The following CCDC38 variants were observed in gnomAD, a reference collection of about 807,000 sequenced individuals.
CCDC38 encodes the protein coiled-coil domain containing 38.
Under a neutral mutation model 72.8 loss-of-function variants are expected in CCDC38, and 69 were observed. The ratio of observed to expected loss-of-function variants is 0.95; its 90% CI spans 0.78 to 1.16. The LOEUF (loss-of-function observed/expected upper bound fraction) is 1.16. CCDC38 is among the 50% of genes most tolerant of loss of function. CCDC38 has a pLI of 0.00. For missense variants in CCDC38, 626 were observed against 638.9 expected (o/e 0.98, Z 0.22); for synonymous variants, 201 against 213.2 (o/e 0.94, Z 0.50).
intron 1 of CCDC38, 25 bp from the exon 2 acceptor site, chr12:95,936,548 T>C: frequency 6.2e-7 from 1 of 1,600,172 alleles, no homozygotes; most frequent in South Asian, 1.1e-5. Flanking sequence ...AAAAATACGT[T>C]TTTTAAAAAT....
At chr12:95,908,860 T>C (rs879751198) in intron 4 of CCDC38, among the ~76,000 whole-genome samples, 1 of 151,976 alleles carries the variant, frequency 6.6e-6, no homozygotes, top group Non-Finnish European at 1.5e-5. Flanking sequence ...TGATGACAAC[T>C]AGTTTTACCA....
At chr12:95,878,423 C>A in intron 12 of CCDC38, 77 bp from the exon 13 acceptor site, 1 of 1,397,950 alleles carries the variant, frequency 7.2e-7, no homozygotes, top group Non-Finnish European at 9.8e-7. Flanking sequence ...AGCTTTAACA[C>A]TCTAGATCAT....
chr12:95,890,757 T>C (rs1021335441), intron 9 of CCDC38, 75 bp downstream of exon 9: 15 of 863,974 alleles, frequency 1.7e-5, no homozygotes, highest in Non-Finnish European at 2.8e-5. Context: ...CAGGTTGGCT[T>C]GTAGTCCTCT....
At chr12:95,927,045 A>G (rs1158484840) in intron 2 of CCDC38, among the ~76,000 whole-genome samples, 1 of 152,076 alleles carries the variant, frequency 6.6e-6, no homozygotes, top group African/African-American at 2.4e-5. Context: ...AGTTCTGTAG[A>G]TGTCTATTAG....
At chr12:95,909,073 CA>C (rs970982249) in intron 4 of CCDC38, among the ~76,000 whole-genome samples, 16 of 151,260 alleles carry the variant, frequency 1.1e-4, no homozygotes, top group Admixed American at 2.6e-4. Context: ...GAAATTGAGA[CA>C]AAAAAATAAA....
intron 8 of CCDC38, among the ~76,000 whole-genome samples, chr12:95,893,452 T>TCTCTC (rs2079852567): frequency 1.0e-5 from 1 of 98,164 alleles, no homozygotes; most frequent in South Asian, 4.0e-4. Flanking sequence ...CCTTCCTTCC[T>TCTCTC]TCTTTCCCTC....
chr12:95,895,777 GC>G (rs2079881157), intron 7 of CCDC38, among the ~76,000 whole-genome samples: 3 of 70,888 alleles, frequency 4.2e-5, no homozygotes, highest in African/African-American at 2.1e-4. Flanking sequence ...AAAAAAAAAA[GC>G]CGGGCATGGT....
intron 7 of CCDC38, among the ~76,000 whole-genome samples, chr12:95,897,525 G>T (rs555866747): frequency 6.7e-6 from 1 of 148,456 alleles, no homozygotes; most frequent in Non-Finnish European, 1.5e-5. Context: ...CAGGAGAATC[G>T]CTTGAACCTA....
intron 8 of CCDC38, 53 bp from the exon 9 acceptor site, chr12:95,890,983 A>T: frequency 1.0e-6 from 1 of 985,012 alleles, no homozygotes; most frequent in Non-Finnish European, 1.6e-6. Flanking sequence ...GGGGAAAAAA[A>T]CACTGCTGAG....
At chr12:95,914,152 C>T (rs12298496) in intron 4 of CCDC38, among the ~76,000 whole-genome samples, 7,466 of 152,196 alleles carry the variant, frequency 0.049, 585 homozygotes, top group African/African-American at 0.17. Context: ...GGCAAAACCT[C>T]GTCTCTACTA....
In CCDC38 at chr12:95,928,464, C is replaced by T. The variant is rs11108344; in HGVS notation, c.37+8009G>A. Among the ~76,000 whole-genome samples the T allele has an allele frequency of 1.3e-3, 205 of 152,320 alleles. 1 individual carries two copies. Among genetic ancestry groups the T allele is most frequent in the African/African-American group, 4.8e-3 (201 of 41,560 alleles). ...TCTAAACTTTTTTCAAAGTTTTCAACTTCTTTGCCTTTGGTTTGAATTTCC... is the reference window on the plus strand; with the variant it reads ...TCTAAACTTTTTTCAAAGTTTTCAATTTCTTTGCCTTTGGTTTGAATTTCC... On this transcript the variant is annotated intron_variant, in intron 2 of 15. Coordinates refer to ENST00000344280, the MANE Select transcript of CCDC38 (RefSeq NM_182496.3).
intron 13 of CCDC38, 146 bp from the exon 14 acceptor site, chr12:95,872,606 ACT>A (rs1407019525): frequency 1.6e-6 from 1 of 624,726 alleles, no homozygotes; most frequent in Admixed American, 3.1e-5. Flanking sequence ...ACGGAGTCTC[ACT>A]CTGTCACCCA....
In CCDC38 at chr12:95,879,642, A is replaced by G. The variant is rs1274164678; in HGVS notation, c.1142+2T>C. On this transcript the variant is annotated splice_donor_variant, in intron 12 of 15. Transcript: ENST00000344280. LOFTEE classifies it high-confidence loss of function. The surrounding 1 kb of genome is among the most constrained non-coding windows in gnomAD (Gnocchi z 5.5). ...TAAATCTACTTGTTTATAATGACTT[A>G]CGTTTTATCCTGTATAACTTTTTCT... is the stretch of plus-strand genomic sequence containing the variant. 1 of 1,571,856 alleles carries G rather than the reference A, an allele frequency of 6.4e-7. No individual in the cohort carries two copies. The highest frequency in any genetic ancestry group is 1.4e-5 in the African/African-American group (1 of 73,464).
intron 5 of CCDC38, among the ~76,000 whole-genome samples, chr12:95,903,237 A>G (rs1453144879): frequency 6.6e-6 from 1 of 152,132 alleles, no homozygotes; most frequent in Non-Finnish European, 1.5e-5. Flanking sequence ...ATTTCTGTAA[A>G]TTGACCTTGC....
At chr12:95,875,536 A>G (rs1354323488) in intron 13 of CCDC38, among the ~76,000 whole-genome samples, 3 of 152,224 alleles carry the variant, frequency 2.0e-5, no homozygotes, top group Admixed American at 2.0e-4. Flanking sequence ...TTATACCTCA[A>G]TAACGCTGGA....
At chr12:95,868,877 T>C (rs761421696) in intron 15 of CCDC38, among the ~76,000 whole-genome samples, 3 of 152,174 alleles carry the variant, frequency 2.0e-5, no homozygotes, top group Non-Finnish European at 4.4e-5. Context: ...TCAAAGTGAC[T>C]CTGGGCAAAT....
intron 5 of CCDC38, among the ~76,000 whole-genome samples, chr12:95,899,102 T>G (rs11108322): frequency 0.41 from 62,308 of 151,920 alleles, 13,615 homozygotes; most frequent in African/African-American, 0.55. Flanking sequence ...CAGCTTCTCC[T>G]CCAATAGGAA....
intron 3 of CCDC38, among the ~76,000 whole-genome samples, chr12:95,917,938 C>A (rs1439424439): frequency 1.3e-5 from 2 of 151,742 alleles, no homozygotes; most frequent in African/African-American, 2.4e-5. Context: ...AAGGGATCTC[C>A]CCAGTAGATA....
chr12:95,874,039 C>T (rs964380002), intron 13 of CCDC38, among the ~76,000 whole-genome samples: 2 of 152,144 alleles, frequency 1.3e-5, no homozygotes, highest in African/African-American at 4.8e-5. Flanking sequence ...CCATAAATTT[C>T]CCTTTTCCCC....
Sources: gnomAD v4.1 joint callset for allele counts (sites outside exome capture counted in the v4.1 genomes callset) on GRCh38, gnomAD v4.1.1 for gene constraint, Gnocchi (gnomAD v3.1) non-coding constraint, MANE v1.5 for transcripts, NCBI Gene and HGNC (gene_info 2026-07-23, HGNC 2026-07-21) for gene names.